Variants in CDH13 observed in about 807,000 individuals in gnomAD.
CDH13 encodes the protein cadherin 13, also known as cadherin-13.
In CDH13, 24 loss-of-function variants were observed where a neutral mutation model predicts 63.8. The observed-to-expected ratio is 0.38, with a 90% CI of 0.27 to 0.53. CDH13 has a LOEUF of 0.53. Ranked by LOEUF, CDH13 falls within the 20% of genes least tolerant of loss-of-function variation. The pLI, the probability that CDH13 is intolerant of heterozygous loss-of-function variation, is 0.85. For missense variants in CDH13, 1,049 were observed against 903.1 expected (o/e 1.16, Z -2.07); for synonymous variants, 503 against 355.3 (o/e 1.42, Z -4.67).
At chr16:82,668,321 A>C (rs1044150066) in intron 1 of CDH13, among the ~76,000 whole-genome samples, 2 of 152,160 alleles carry the variant, frequency 1.3e-5, no homozygotes, top group East Asian at 3.9e-4. Context: ...CAGGGATGGC[A>C]TCAGGCCCGC....
intron 1 of CDH13, among the ~76,000 whole-genome samples, chr16:82,673,166 T>A (rs1353833445): frequency 6.6e-6 from 1 of 152,112 alleles, no homozygotes; most frequent in Non-Finnish European, 1.5e-5. Flanking sequence ...TTATTTCTTG[T>A]GCCCCCATCA....
chr16:82,957,503 A>G (rs1009598513), intron 2 of CDH13, among the ~76,000 whole-genome samples: 1 of 152,128 alleles, frequency 6.6e-6, no homozygotes, highest in African/African-American at 2.4e-5. Flanking sequence ...CCCTCTTTAC[A>G]AATGATAAAA....
intron 7 of CDH13, among the ~76,000 whole-genome samples, chr16:83,551,024 C>G (rs554321389): frequency 2.9e-4 from 44 of 151,340 alleles, no homozygotes; most frequent in Non-Finnish European, 4.9e-4. Flanking sequence ...AGCCTACCCC[C>G]ATCTCTGTTC....
At chr16:83,689,311 A>G (rs1370103209) in intron 10 of CDH13, among the ~76,000 whole-genome samples, 1 of 152,206 alleles carries the variant, frequency 6.6e-6, no homozygotes, top group African/African-American at 2.4e-5. Context: ...ACCCATTTGA[A>G]ATAGATAAGG....
chr16:83,687,538 C>T (rs752745101), intron 10 of CDH13, among the ~76,000 whole-genome samples: 57 of 152,184 alleles, frequency 3.7e-4, no homozygotes, highest in Non-Finnish European at 7.3e-5. Flanking sequence ...CCCCTGATCC[C>T]ATCGCCTCCC....
intron 4 of CDH13, among the ~76,000 whole-genome samples, chr16:83,135,833 A>C (rs2036257461): frequency 1.3e-5 from 2 of 152,206 alleles, no homozygotes; most frequent in Non-Finnish European, 2.9e-5. Flanking sequence ...ATGGAATACT[A>C]CTCAGCCATC....
At chr16:82,634,671 A>G (rs1275785113) in intron 1 of CDH13, among the ~76,000 whole-genome samples, 1 of 152,218 alleles carries the variant, frequency 6.6e-6, no homozygotes, top group Non-Finnish European at 1.5e-5. Context: ...CCTGAAGCTG[A>G]AAGTATTTAC....
chr16:83,526,852 C>G (rs2074973745), intron 7 of CDH13, among the ~76,000 whole-genome samples: 1 of 152,160 alleles, frequency 6.6e-6, no homozygotes, highest in Admixed American at 6.5e-5. Flanking sequence ...GGAATTCAGG[C>G]CAGGGATGGT....
chr16:83,484,410 A>G (rs1427230399), intron 6 of CDH13, among the ~76,000 whole-genome samples: 1 of 152,222 alleles, frequency 6.6e-6, no homozygotes, highest in Non-Finnish European at 1.5e-5. Flanking sequence ...GATGGGCCTT[A>G]TATTTGTAGA....
In CDH13 at chr16:82,843,222, T is replaced by C. The variant is rs76176464; in HGVS notation, c.46-15140T>C. 7.5e-3 allele frequency among the ~76,000 whole-genome samples: 1,148 copies of C among 152,326 alleles called. 9 individuals carry two copies. Among genetic ancestry groups the C allele is most frequent in the African/African-American group, 0.027 (1,104 of 41,566 alleles). On this transcript the variant is annotated intron_variant, in intron 1 of 13. Coordinates refer to ENST00000567109, the MANE Select transcript of CDH13 (RefSeq NM_001257.5). The stretch of plus-strand genomic sequence containing the variant: ...TAGGGACCTTGCCTTTTTGTGTATA[T>C]TGACAATTAGTGTATATTGTCTTGG...
At chr16:82,627,229 C>G in intron 1 of CDH13, 92 bp downstream of exon 1, 2 of 1,094,592 alleles carry the variant, frequency 1.8e-6, no homozygotes, top group South Asian at 2.7e-5. Context: ...TTCGGGGGGT[C>G]GGGGCCTCCG....
At chr16:83,622,001 T>A (rs1271161589) in intron 8 of CDH13, among the ~76,000 whole-genome samples, 1 of 152,150 alleles carries the variant, frequency 6.6e-6, no homozygotes, top group Non-Finnish European at 1.5e-5. Context: ...TTTTGATAGG[T>A]CCAATGGGAA....
At chr16:82,840,445 G>A (rs1032344645) in intron 1 of CDH13, among the ~76,000 whole-genome samples, 5 of 151,714 alleles carry the variant, frequency 3.3e-5, no homozygotes, top group Non-Finnish European at 5.9e-5. Context: ...CACTTTGGGA[G>A]GCCCAGGTGG....
At chr16:83,084,070 C>T (rs961316372) in intron 3 of CDH13, among the ~76,000 whole-genome samples, 3 of 152,150 alleles carry the variant, frequency 2.0e-5, no homozygotes, top group Non-Finnish European at 4.4e-5. Flanking sequence ...AGAGGCTGTC[C>T]TAAAATCCTA....
chr16:83,383,993 TG>T (rs1432782775), intron 6 of CDH13, among the ~76,000 whole-genome samples: 8 of 152,146 alleles, frequency 5.3e-5, no homozygotes, highest in African/African-American at 1.9e-4. Context: ...TACATATATA[TG>T]GGTGTACACA....
chr16:83,663,149 A>C lies in CDH13; in HGVS notation c.1102-7641A>C, dbSNP rs143815828. Among the ~76,000 whole-genome samples, 510 of 152,300 alleles carry C rather than the reference A, an allele frequency of 3.3e-3. 7 individuals carry two copies. Among genetic ancestry groups the C allele is most frequent in the African/African-American group, 0.012 (491 of 41,578 alleles). On this transcript the variant is annotated intron_variant, in intron 8 of 13. Coordinates refer to ENST00000567109, the MANE Select transcript of CDH13 (RefSeq NM_001257.5). ...AAAGAAATAATCCCATTTTTCATGA[A>C]TCAACTGATGGAGTGGTTACCCCGG...
chr16:82,797,561 C>G (rs1408943347), intron 1 of CDH13, among the ~76,000 whole-genome samples: 2 of 152,162 alleles, frequency 1.3e-5, no homozygotes, highest in East Asian at 3.9e-4. Context: ...AGTTACCATA[C>G]CATGTCAAGA....
chr16:83,206,204 C>T (rs1296874945), intron 4 of CDH13, among the ~76,000 whole-genome samples: 1 of 152,196 alleles, frequency 6.6e-6, no homozygotes. Flanking sequence ...TCACAACCAT[C>T]TTCTCAAAAA....
intron 1 of CDH13, among the ~76,000 whole-genome samples, chr16:82,791,958 G>C (rs1183726718): frequency 6.6e-6 from 1 of 152,174 alleles, no homozygotes; most frequent in African/African-American, 2.4e-5. Context: ...GGAGCTCTAA[G>C]AACAAAGACC....
Sources: allele counts gnomAD v4.1 joint callset (sites outside exome capture counted in the v4.1 genomes callset), GRCh38; gene constraint gnomAD v4.1.1; transcripts MANE v1.5; gene names NCBI Gene and HGNC (gene_info 2026-07-23, HGNC 2026-07-21).